SRGAP3: variants seen among roughly 807,000 people sequenced by gnomAD.
SRGAP3 encodes SLIT-ROBO Rho GTPase-activating protein 3.
SRGAP3 carries 39 observed loss-of-function variants against 121.1 expected under a neutral mutation model. That is an observed-to-expected ratio of 0.32 (90% CI 0.25 to 0.42). The LOEUF (loss-of-function observed/expected upper bound fraction) is 0.42, where lower values mean the gene tolerates loss of function less well. Among genes scored for constraint, SRGAP3 ranks in the 10% least tolerant of loss-of-function variants. The pLI, the probability that SRGAP3 is intolerant of heterozygous loss-of-function variation, is 1.00. For missense variants in SRGAP3, 1,213 were observed against 1,470.6 expected (o/e 0.82, Z 2.86); for synonymous variants, 601 against 570.0 (o/e 1.05, Z -0.77).
At chr3:9,060,428 C>CTTT (rs59248524) in intron 5 of SRGAP3, 69 bp from the exon 6 acceptor site, 77,766 of 1,133,046 alleles carry the variant, frequency 0.069, 216 homozygotes, top group Middle Eastern at 0.08. Flanking sequence ...TTTTCTATTC[C>CTTT]TTTTTTTTTT....
chr3:9,207,572 G>A (rs1018359056), intron 1 of SRGAP3, among the ~76,000 whole-genome samples: 12 of 152,292 alleles, frequency 7.9e-5, no homozygotes, highest in South Asian at 4.2e-4. Context: ...TTCAAAACCC[G>A]CGGGAGGGAG....
intron 1 of SRGAP3, among the ~76,000 whole-genome samples, chr3:9,335,172 G>A (rs1460486430): frequency 6.6e-6 from 1 of 152,134 alleles, no homozygotes; most frequent in African/African-American, 2.4e-5. Flanking sequence ...CACTCATATG[G>A]TCCCATTGAT....
intron 19 of SRGAP3, 70 bp from the exon 20 acceptor site, chr3:8,993,125 A>G (rs1044198347): frequency 6.2e-7 from 1 of 1,604,922 alleles, no homozygotes; most frequent in Non-Finnish European, 8.5e-7. Context: ...GAGCTCCCTG[A>G]TATGTGTCTG....
chr3:9,274,694 G>C (rs78268599), intron 3 of SRGAP3, among the ~76,000 whole-genome samples: 13 of 152,178 alleles, frequency 8.5e-5, no homozygotes, highest in Middle Eastern at 3.4e-3. Flanking sequence ...TAGTAAATGA[G>C]GGGGATTTTA....
intron 14 of SRGAP3, among the ~76,000 whole-genome samples, chr3:9,020,452 C>A (rs1943860416): frequency 6.6e-6 from 1 of 152,126 alleles, no homozygotes; most frequent in African/African-American, 2.4e-5. Context: ...CTAAGGAATT[C>A]AAAAACTGTA....
chr3:9,091,721 C>T (rs1286941654), intron 3 of SRGAP3, among the ~76,000 whole-genome samples: 2 of 152,180 alleles, frequency 1.3e-5, no homozygotes, highest in Admixed American at 1.3e-4. Flanking sequence ...AATAACCGGG[C>T]TATCGGCTCT....
Position 9,053,112 on chromosome 3 carries a change from G to A in SRGAP3, c.1238C>T (p.Ser413Leu), listed in dbSNP as rs766963362. 5.5e-5 allele frequency: 89 copies of A among 1,614,062 alleles called. No individual in the cohort carries two copies. The East Asian group carries it at 1.7e-3, about 32-fold the overall frequency. The change falls in exon 9 of 22, where the codon TCG (serine) becomes TTG (leucine). Residue 413 changes from serine to leucine, a missense_variant. By Grantham distance (145) the Ser-to-Leu change is moderately radical. Around this residue, in one of 2 missense-constraint regions of SRGAP3, gnomAD observed 793 missense variants for 1,032.9 expected, o/e 0.77. Coordinates refer to ENST00000383836, the MANE Select transcript of SRGAP3 (RefSeq NM_014850.4). The part of the protein sequence containing the change: ...QHSRSTESVK[S>L]AASETYMSKI... Reference sequence around the variant, plus strand: ...GCTCATGTAGGTCTCAGAGGCAGCCGACTTGACGGACTCTGTCGATCGACT... The same window carrying A: ...GCTCATGTAGGTCTCAGAGGCAGCCAACTTGACGGACTCTGTCGATCGACT...
At position 9,015,657 on chromosome 3, in the gene SRGAP3, G is replaced by A; in HGVS notation, c.1753C>T (p.Arg585Ter). The change falls in exon 15 of 22, where the codon CGA becomes TGA. Residue 585 changes from arginine (R) to a stop codon, truncating the protein, a stop_gained. Coordinates refer to ENST00000383836, the MANE Select transcript of SRGAP3 (RefSeq NM_014850.4). LOFTEE classifies it high-confidence loss of function. ...SVAGVLKLYF[R>*]GLENPLFPKE... ...GGAAAGAGTGGGTTTTCCAGTCCTC[G>A]GAAATACAGTTTTAAAACACCAGCG... The A allele has an allele frequency of 3.7e-6, 6 of 1,613,662 alleles. No individual in the cohort carries two copies. The highest frequency in any genetic ancestry group is 1.6e-4 in the Middle Eastern group (1 of 6,062).
chr3:9,233,211 G>A (rs1162704), intron 1 of SRGAP3, among the ~76,000 whole-genome samples: 16,532 of 152,230 alleles, frequency 0.11, 1,001 homozygotes, highest in South Asian at 0.18. Context: ...TCTTTCACAT[G>A]AGGAAACTGG....
At chr3:9,313,332 C>T (rs1367317373) in intron 3 of SRGAP3, among the ~76,000 whole-genome samples, 1 of 152,186 alleles carries the variant, frequency 6.6e-6, no homozygotes, top group Non-Finnish European at 1.5e-5. Context: ...AAATTACAAG[C>T]CCTTTCCCTG....
chr3:8,994,168 A>G (rs1038750719), intron 19 of SRGAP3, 175 bp downstream of exon 19: 1 of 851,130 alleles, frequency 1.2e-6, no homozygotes, highest in African/African-American at 1.7e-5. Context: ...GATATCCGTT[A>G]AGTGGATCAC....
chr3:9,158,843 A>T (rs1341826523), intron 1 of SRGAP3, among the ~76,000 whole-genome samples: 1 of 151,952 alleles, frequency 6.6e-6, no homozygotes, highest in African/African-American at 2.4e-5. Flanking sequence ...ATGACCCACA[A>T]CTCAGGCATG....
chr3:8,991,285 C>G (rs1265641134), intron 20 of SRGAP3, among the ~76,000 whole-genome samples: 1 of 152,138 alleles, frequency 6.6e-6, no homozygotes, highest in Non-Finnish European at 1.5e-5. Context: ...TTACCAGCAC[C>G]CTGCAAGCAC....
chr3:9,339,521 G>A (rs1039722972), intron 1 of SRGAP3, among the ~76,000 whole-genome samples: 1 of 152,168 alleles, frequency 6.6e-6, no homozygotes, highest in African/African-American at 2.4e-5. Flanking sequence ...GTGCAGCAGT[G>A]GCAATGTGAT....
At chr3:9,259,001 G>A (rs1954194955) in intron 3 of SRGAP3, among the ~76,000 whole-genome samples, 1 of 152,156 alleles carries the variant, frequency 6.6e-6, no homozygotes, top group African/African-American at 2.4e-5. Context: ...CCACGGGATT[G>A]GGCATCCGCC....
chr3:9,250,525 G>A (rs899186560), upstream of SRGAP3, among the ~76,000 whole-genome samples: 1 of 152,182 alleles, frequency 6.6e-6, no homozygotes, highest in Non-Finnish European at 1.5e-5. Flanking sequence ...CATACAAAAT[G>A]TAAAGTGCTA....
chr3:9,325,468 C>A (rs2596932), intron 3 of SRGAP3, among the ~76,000 whole-genome samples: 7,116 of 151,944 alleles, frequency 0.047, 394 homozygotes, highest in East Asian at 0.31. Context: ...TTAGTCAATT[C>A]TATTATTTAG....
In SRGAP3 at chr3:8,981,594, A is replaced by G. The variant is rs1261056405; in HGVS notation, c.*3925T>C. The G allele has an allele frequency of 8.6e-6, 2 of 232,910 alleles. No individual in the cohort carries two copies. The highest frequency in any genetic ancestry group is 5.6e-5 in the Admixed American group (1 of 17,756). The allele number at this position is 232,910 out of a possible 1,614,324, so 14.4% of individuals were successfully genotyped here. A position where few individuals can be genotyped will look rare whatever the true frequency, so the allele number is the denominator to read the frequency against. On this transcript the variant is annotated 3_prime_UTR_variant, in exon 22 of 22. Coordinates refer to ENST00000383836, the MANE Select transcript of SRGAP3 (RefSeq NM_014850.4). ...CACATTCGTGCCTCCTGAATGACAG[A>G]GAAATATACCCAACAAGGCACTCCA... is the stretch of plus-strand genomic sequence containing the variant.
chr3:9,000,567 G>C (rs550804555), intron 18 of SRGAP3, among the ~76,000 whole-genome samples: 1 of 152,338 alleles, frequency 6.6e-6, no homozygotes, highest in African/African-American at 2.4e-5. Flanking sequence ...AGTCGAAGGG[G>C]ACTCTCAAGA....
Sources: allele counts gnomAD v4.1 joint callset (sites outside exome capture counted in the v4.1 genomes callset), GRCh38; gene constraint gnomAD v4.1.1; regional missense constraint gnomAD v4.1.1; transcripts MANE v1.5; gene names NCBI Gene and HGNC (gene_info 2026-07-23, HGNC 2026-07-21).